Variants in BLNK observed in about 807,000 individuals in gnomAD.
BLNK encodes the protein B cell linker, also known as B-cell linker protein.
Under a neutral mutation model 73.5 loss-of-function variants are expected in BLNK, and 29 were observed. The observed-to-expected ratio is 0.39, with a 90% CI of 0.29 to 0.54. The LOEUF (loss-of-function observed/expected upper bound fraction) is 0.54. BLNK is among the 20% of genes least tolerant of loss of function. BLNK has a pLI of 0.61. For missense variants in BLNK, 460 were observed against 562.8 expected, an observed-to-expected ratio of 0.82 and a Z score of 1.85; for synonymous variants, 176 against 200.8, an observed-to-expected ratio of 0.88 and a Z score of 1.04.
At chr10:96,232,367 C>T (rs1842532815) in intron 3 of BLNK, among the ~76,000 whole-genome samples, 2 of 146,720 alleles carry the variant, frequency 1.4e-5, no homozygotes, top group African/African-American at 5.0e-5. Context: ...CCTAAATTTC[C>T]CAGAACCTCA....
chr10:96,250,895 T>A (rs1843256249), intron 1 of BLNK, among the ~76,000 whole-genome samples: 1 of 152,344 alleles, frequency 6.6e-6, no homozygotes, highest in South Asian at 2.1e-4. Flanking sequence ...CTTTTTAAAG[T>A]TGATGCATAA....
chr10:96,240,650 C>G (rs1842855133), intron 3 of BLNK, among the ~76,000 whole-genome samples: 1 of 152,062 alleles, frequency 6.6e-6, no homozygotes. Flanking sequence ...CTATATCCAG[C>G]CAGGGCTGCC....
intron 3 of BLNK, 37 bp downstream of exon 3, chr10:96,242,698 G>T (rs1842916701): frequency 6.4e-7 from 1 of 1,574,196 alleles, no homozygotes; most frequent in Non-Finnish European, 8.7e-7. Flanking sequence ...CATTAAATTA[G>T]TCAAGAGTCA....
rs12784733 is a variant in BLNK, at chr10:96,224,195, C to T, written c.362-206G>A. ...ACTTAAACGACAAAAACTGGAAGAA[C>T]GTCCTCATTAAAAACATCCTTCCGG... On this transcript the variant is annotated intron_variant, in intron 5 of 16. Coordinates refer to ENST00000224337, the MANE Select transcript of BLNK (RefSeq NM_013314.4). 0.46 allele frequency among the ~76,000 whole-genome samples: 69,938 copies of T among 151,956 alleles called. 16,377 individuals are homozygous for T. Among genetic ancestry groups the T allele is most frequent in the South Asian group, 0.52 (2,483 of 4,812 alleles).
At chr10:96,260,513 T>A (rs1554912466) in intron 1 of BLNK, among the ~76,000 whole-genome samples, 1 of 152,240 alleles carries the variant, frequency 6.6e-6, no homozygotes, top group African/African-American at 2.4e-5. Flanking sequence ...TATGTTCTTT[T>A]AAAAATTAAC....
chr10:96,222,847 T>C (rs2084229831), intron 6 of BLNK, among the ~76,000 whole-genome samples: 1 of 151,832 alleles, frequency 6.6e-6, no homozygotes, highest in Non-Finnish European at 1.5e-5. Context: ...AGTGTTACAG[T>C]GGGTATAATA....
At chr10:96,262,604 G>A (rs1308199972) in intron 1 of BLNK, among the ~76,000 whole-genome samples, 13 of 152,120 alleles carry the variant, frequency 8.5e-5, no homozygotes, top group Admixed American at 5.2e-4. Flanking sequence ...AAAATACCAC[G>A]TTGGTGCTGT....
intron 15 of BLNK, 98 bp from the exon 16 acceptor site, chr10:96,197,161 C>G (rs2083488652): frequency 1.1e-6 from 1 of 879,778 alleles, no homozygotes; most frequent in Admixed American, 2.8e-5. Flanking sequence ...ATATTACATT[C>G]CAAAGGTAAA....
chr10:96,204,801 C>G, intron 11 of BLNK, 185 bp from the exon 12 acceptor site: 1 of 605,560 alleles, frequency 1.7e-6, no homozygotes, highest in Non-Finnish European at 3.0e-6. Context: ...CTATGAGGAC[C>G]AGGACTCCCT....
intron 12 of BLNK, 39 bp from the exon 13 acceptor site, chr10:96,204,127 C>T (rs1554896866): frequency 6.2e-7 from 1 of 1,610,888 alleles, no homozygotes; most frequent in Admixed American, 1.7e-5. Flanking sequence ...GGACAAAGCA[C>T]AATATGAGTA....
At chr10:96,268,503 C>T (rs1390119956) in intron 1 of BLNK, among the ~76,000 whole-genome samples, 10 of 151,828 alleles carry the variant, frequency 6.6e-5, no homozygotes, top group African/African-American at 1.5e-4. Context: ...TAGCAGGCCT[C>T]GGTGGGAGCA....
At chr10:96,230,659 G>T in intron 4 of BLNK, 135 bp downstream of exon 4, 1 of 987,506 alleles carries the variant, frequency 1.0e-6, no homozygotes, top group Non-Finnish European at 1.6e-6. Flanking sequence ...AGTATGCCTT[G>T]CCTGTAGGTG....
intron 1 of BLNK, among the ~76,000 whole-genome samples, chr10:96,259,426 C>T (rs782339764): frequency 6.6e-6 from 1 of 152,056 alleles, no homozygotes; most frequent in African/African-American, 2.4e-5. Context: ...AATGCGGTAG[C>T]GGCCCTCTGG....
In BLNK at chr10:96,207,974, C is replaced by A; in HGVS notation, c.747-75G>T. The stretch of plus-strand genomic sequence containing the variant: ...TGGAGCTATTTACCATTATTTTAGT[C>A]TCAAATTTAAGCTAGAATTATGAAA... On this transcript the variant is annotated intron_variant, in intron 9 of 16. Transcript: ENST00000224337. 2.0e-6 allele frequency: 3 copies of A among 1,479,344 alleles called. No homozygotes were observed. The South Asian group carries it at 3.4e-5, about 17-fold the overall frequency. 91.6% of individuals were successfully genotyped at this position (1,479,344 alleles called of 1,614,324 possible). A position where few individuals can be genotyped will look rare whatever the true frequency, so the allele number is the denominator to read the frequency against.
intron 6 of BLNK, among the ~76,000 whole-genome samples, chr10:96,222,941 T>C (rs73322919): frequency 0.091 from 13,845 of 152,102 alleles, 1,310 homozygotes; most frequent in African/African-American, 0.24. Context: ...CAGGTGGCTG[T>C]TAATTGTCTC....
At chr10:96,216,423 G>C in intron 7 of BLNK, 1 of 572,722 alleles carries the variant, frequency 1.7e-6, no homozygotes, top group Non-Finnish European at 3.1e-6. Context: ...GAGATGGGAA[G>C]ATTAAAGCAT....
chr10:96,262,214 A>G (rs1053927739), intron 1 of BLNK, among the ~76,000 whole-genome samples: 1 of 152,224 alleles, frequency 6.6e-6, no homozygotes, highest in Non-Finnish European at 1.5e-5. Flanking sequence ...CTAGTGACAG[A>G]TGACTCAGTG....
chr10:96,236,232 G>A (rs1842685376), intron 3 of BLNK, among the ~76,000 whole-genome samples: 1 of 152,116 alleles, frequency 6.6e-6, no homozygotes, highest in South Asian at 2.1e-4. Flanking sequence ...CTACCCGGCC[G>A]CCAGACCCTG....
At chr10:96,212,590 G>A (rs1376713239) in intron 8 of BLNK, among the ~76,000 whole-genome samples, 2 of 152,136 alleles carry the variant, frequency 1.3e-5, no homozygotes, top group Admixed American at 6.5e-5. Context: ...CAAGCACAGC[G>A]GGGACGGCAG....
Sources: allele counts gnomAD v4.1 joint callset (sites outside exome capture counted in the v4.1 genomes callset), GRCh38; gene constraint gnomAD v4.1.1; transcripts MANE v1.5; gene names NCBI Gene and HGNC (gene_info 2026-07-23, HGNC 2026-07-21).